FAM83H: variants seen among roughly 807,000 people sequenced by gnomAD.
FAM83H encodes the protein scaffolding CK1 anchoring protein H.
Under a neutral mutation model 30.2 loss-of-function variants are expected in FAM83H, and 24 were observed. The observed-to-expected ratio is 0.79, with a 90% CI of 0.57 to 1.12. The LOEUF is 1.12. FAM83H is among the 50% of genes most tolerant of loss of function. The pLI is 0.00. For synonymous variants in FAM83H, 1,013 were observed against 821.7 expected, an observed-to-expected ratio of 1.23 and a Z score of -3.98; for missense variants, 2,038 against 1,773.9, an observed-to-expected ratio of 1.15 and a Z score of -2.67.
In FAM83H at chr8:143,732,499, G is replaced by A. The variant is rs1268634359; in HGVS notation, c.-16+1192C>T. The A allele has an allele frequency of 5.1e-6, 5 of 985,192 alleles. No individual in the cohort carries two copies. The African/African-American group carries it at 8.7e-5, about 17-fold the overall frequency. The allele number at this position is 985,192 out of a possible 1,614,324, so 61.0% of individuals were successfully genotyped here. A position where few individuals can be genotyped will look rare whatever the true frequency, so the allele number is the denominator to read the frequency against. Reference sequence around the variant, plus strand: ...TTGTTTGAGGGTACTTCCCGACACTGGGGGGACACTCTAGAAAGGACCCCC... The same window carrying A: ...TTGTTTGAGGGTACTTCCCGACACTAGGGGGACACTCTAGAAAGGACCCCC... On this transcript the variant is annotated intron_variant, in intron 1 of 4. Coordinates refer to ENST00000388913, the MANE Select transcript of FAM83H (RefSeq NM_198488.5).
In FAM83H at chr8:143,725,532, G is replaced by A. The variant is rs1336339283; in HGVS notation, c.*389C>T. ...AATCGCTGGAACCCGGGAGGCAGAG[G>A]TTGCAGTGAGCCCAGACCGCTCAAC... On this transcript the variant is annotated 3_prime_UTR_variant, in exon 5 of 5. Coordinates refer to ENST00000388913, the MANE Select transcript of FAM83H (RefSeq NM_198488.5). 1.1e-5 allele frequency: 3 copies of A among 272,438 alleles called. No individual in the cohort carries two copies. Among genetic ancestry groups the A allele is most frequent in the Non-Finnish European group, 2.1e-5 (3 of 142,270 alleles). The allele number at this position is 272,438 out of a possible 1,614,324, so 16.9% of individuals were successfully genotyped here. A position where few individuals can be genotyped will look rare whatever the true frequency, so the allele number is the denominator to read the frequency against.
At chr8:143,732,488 T>C in intron 1 of FAM83H, 2 of 985,330 alleles carry the variant, frequency 2.0e-6, no homozygotes, top group South Asian at 9.4e-5. Context: ...TTGAGGGTAC[T>C]TCCCGACACT....
Position 143,728,507 on chromosome 8 carries a change from G to A in FAM83H, c.954C>T (p.Thr318=), listed in dbSNP as rs782713469. The change falls in exon 5 of 5, where the codon ACC becomes ACT. Residue 318 remains threonine (T), a synonymous_variant. Coordinates refer to ENST00000388913, the MANE Select transcript of FAM83H (RefSeq NM_198488.5). ...GCGCTCGTTTAGGGAAGGAGAAGGG[G>A]GTTGGCGCCCCGACCCCAGGGACGC... ...LVGVPGVGAP[T]PFSFPKRAHL... 1.3e-6 allele frequency: 2 copies of A among 1,557,278 alleles called. No homozygotes were observed. The highest frequency in any genetic ancestry group is 1.9e-5 in the Admixed American group (1 of 51,626).
chr8:143,726,441 C>A lies in FAM83H; in HGVS notation c.3020G>T (p.Gly1007Val), dbSNP rs781949444. The A allele has an allele frequency of 1.8e-5, 29 of 1,602,976 alleles. No individual in the cohort carries two copies. The highest frequency in any genetic ancestry group is 2.4e-5 in the Non-Finnish European group (28 of 1,177,418). The change falls in exon 5 of 5, where the codon GGT (glycine) becomes GTT (valine). Residue 1007 changes from glycine to valine, a missense_variant. Physicochemically the swap from Gly to Val is moderately radical, Grantham distance 109 (BLOSUM62 -3). Coordinates refer to ENST00000388913, the MANE Select transcript of FAM83H (RefSeq NM_198488.5). ...ESPRRLSLGQ[G>V]DSTEAATEER... Reference sequence around the variant, plus strand: ...TTCTGTGGCAGCCTCCGTGCTGTCACCCTGGCCCAGTGACAGACGCCGCGG... The same window carrying A: ...TTCTGTGGCAGCCTCCGTGCTGTCAACCTGGCCCAGTGACAGACGCCGCGG...
chr8:143,728,725 T>C lies in FAM83H; in HGVS notation c.738-2A>G. The stretch of plus-strand genomic sequence containing the variant: ...ATCTTCTCAAAGGACCACATGAAGC[T>C]GTGGGGGGGTCAGGGCCAGAGTCAA... On this transcript the variant is annotated splice_acceptor_variant, in intron 4 of 4. Transcript: ENST00000388913. LOFTEE classifies it high-confidence loss of function. 1 of 1,598,846 alleles carries C rather than the reference T, an allele frequency of 6.3e-7. No homozygotes were observed. Among genetic ancestry groups the C allele is most frequent in the Non-Finnish European group, 8.5e-7 (1 of 1,179,804 alleles).
Position 143,730,364 on chromosome 8 carries a change from A to C in FAM83H, c.219T>G (p.Tyr73Ter). Residue 73 changes from tyrosine (Y) to a stop codon, truncating the protein, a stop_gained, in exon 2 of 5, where the codon TAT becomes TAG. Transcript: ENST00000388913. LOFTEE classifies it high-confidence loss of function. Reference sequence around the variant, plus strand: ...TGCCTTCAGGTGGCTCTCGGGTAACATACTGCGGAGGCCGAAGGTGTCGGC... The same window carrying C: ...TGCCTTCAGGTGGCTCTCGGGTAACCTACTGCGGAGGCCGAAGGTGTCGGC... Reference protein sequence around the residue: ...HVSRHLRPPQYVTREPPEGSL... With the variant: ...HVSRHLRPPQ 1 of 1,613,702 alleles carries C rather than the reference A, an allele frequency of 6.2e-7. No homozygotes were observed.
intron 1 of FAM83H, chr8:143,732,968 G>A (rs1357363615): frequency 2.6e-5 from 4 of 154,622 alleles, no homozygotes; most frequent in Non-Finnish European, 5.8e-5. Flanking sequence ...CTGAGTATCT[G>A]GAAGGAGGAC....
rs113878062 is a variant in FAM83H at position 143,731,898 on chromosome 8, G to A, written c.-15-1301C>T. 6.7e-4 allele frequency: 658 copies of A among 985,292 alleles called. 4 individuals are homozygous for A. In the African/African-American group the frequency reaches 0.01, roughly 15 times the overall value. 61.0% of individuals were successfully genotyped at this position (985,292 alleles called of 1,614,324 possible). On this transcript the variant is annotated intron_variant, in intron 1 of 4. Transcript: ENST00000388913. ...AGCGCCCAGGGCCCACGCACACAGG[G>A]TCACTGAGCTACCTGGGTACCTCTC...
intron 1 of FAM83H, chr8:143,731,832 C>T (rs1327240525): frequency 1.0e-6 from 1 of 985,332 alleles, no homozygotes; most frequent in Non-Finnish European, 1.2e-6. Context: ...CCAAAGGGTC[C>T]CTGCGGGGGC....
In FAM83H at chr8:143,730,301, T is replaced by C. The variant is rs782034968; in HGVS notation, c.282A>G (p.Thr94=). The change falls in exon 2 of 5, where the codon ACA becomes ACG. Residue 94 remains threonine (T), a synonymous_variant. Coordinates refer to ENST00000388913, the MANE Select transcript of FAM83H (RefSeq NM_198488.5). ...CCTGGTCTGAGTTCACTGGCCAGTA[T>C]GTACCCGAGGAGCCATCCATGTCCA... is the stretch of plus-strand genomic sequence containing the variant. ...LDVDMDGSSG[T]YWPVNSDQAV... 13 of 1,613,448 alleles carry C rather than the reference T, an allele frequency of 8.1e-6. No homozygotes were observed. The highest frequency in any genetic ancestry group is 1.1e-5 in the South Asian group (1 of 91,094).
chr8:143,732,768 C>T, intron 1 of FAM83H: 1 of 981,532 alleles, frequency 1.0e-6, no homozygotes, highest in Non-Finnish European at 1.2e-6. Flanking sequence ...ACCCCAGTGG[C>T]CTGCATGCCC....
chr8:143,727,008 T>A lies in FAM83H; in HGVS notation c.2453A>T (p.Gln818Leu), dbSNP rs1563758053. 2 of 1,578,108 alleles carry A rather than the reference T, an allele frequency of 1.3e-6. No homozygotes were observed. Among genetic ancestry groups the A allele is most frequent in the Non-Finnish European group, 1.7e-6 (2 of 1,164,930 alleles). Reference sequence around the variant, plus strand: ...GCTCCGGCCCAGTGTGTCGAGCAGCTGCGCCGCGGTGAGCGACGCGGCTCC... The same window carrying A: ...GCTCCGGCCCAGTGTGTCGAGCAGCAGCGCCGCGGTGAGCGACGCGGCTCC... ...QPGAASLTAA[Q>L]LLDTLGRSGS... Residue 818 changes from glutamine (Q) to leucine (L), a missense_variant, in exon 5 of 5, where the codon CAG becomes CTG. Coordinates refer to ENST00000388913, the MANE Select transcript of FAM83H (RefSeq NM_198488.5).
In FAM83H at chr8:143,733,575, G is replaced by A. The variant is rs1554625056; in HGVS notation, c.-16+116C>T. On this transcript the variant is annotated intron_variant, in intron 1 of 4. Transcript: ENST00000388913. The surrounding 1 kb of genome is among the most constrained non-coding windows in gnomAD (Gnocchi z 5.6). Reference sequence around the variant, plus strand: ...CTCCACTCCCACCGCCCCTCTCTGGGTCGCGCGGCCCCGGCCCAGGTGTGG... The same window carrying A: ...CTCCACTCCCACCGCCCCTCTCTGGATCGCGCGGCCCCGGCCCAGGTGTGG... The A allele has an allele frequency of 6.6e-6, 1 of 151,198 alleles. No homozygotes were observed. Among genetic ancestry groups the A allele is most frequent in the Non-Finnish European group, 1.5e-5 (1 of 67,746 alleles). 9.4% of individuals were successfully genotyped at this position (151,198 alleles called of 1,614,324 possible).
At position 143,725,802 on chromosome 8, in the gene FAM83H, CG is replaced by C; in HGVS notation, c.*118del. ...CTGGCGCACTCAGCCAAGCCCCAAG[CG>C]GCCGTGGCCTGACAGCCGCTGCTCA... On this transcript the variant is annotated 3_prime_UTR_variant, in exon 5 of 5. Coordinates refer to ENST00000388913, the MANE Select transcript of FAM83H (RefSeq NM_198488.5). 1 of 1,514,906 alleles carries C rather than the reference CG, an allele frequency of 6.6e-7. No individual in the cohort carries two copies. The highest frequency in any genetic ancestry group is 8.9e-7 in the Non-Finnish European group (1 of 1,123,768). 93.8% of individuals were successfully genotyped at this position (1,514,906 alleles called of 1,614,324 possible).
rs782609652 is a variant in FAM83H, at chr8:143,728,142, T to C, written c.1319A>G (p.Asp440Gly). ...SRQTFLSHGDDFRFQTSHFHR... is the reference protein window; with the variant it reads ...SRQTFLSHGDGFRFQTSHFHR... ...GAAGTGGCTGGTCTGGAAGCGGAAG[T>C]CGTCGCCGTGGCTGAGGAACGTCTG... The change falls in exon 5 of 5, where the codon GAC (aspartate) becomes GGC (glycine). Residue 440 changes from aspartate to glycine, a missense_variant. Physicochemically the swap from Asp to Gly is moderately conservative, Grantham distance 94 (BLOSUM62 -1). Transcript: ENST00000388913. 6.2e-7 allele frequency: 1 copy of C among 1,609,400 alleles called. No homozygotes were observed. The highest frequency in any genetic ancestry group is 8.5e-7 in the Non-Finnish European group (1 of 1,179,182).
chr8:143,726,892 A>C lies in FAM83H; in HGVS notation c.2569T>G (p.Ser857Ala). ...GLDSPLPLEGSGAHQVLHNES... is the reference protein window; with the variant it reads ...GLDSPLPLEGAGAHQVLHNES... ...TTATGGAGCACCTGGTGCGCTCCGG[A>C]CCCTTCCAGCGGCAGAGGGCTGTCC... The change falls in exon 5 of 5, where the codon TCC becomes GCC. Residue 857 changes from serine to alanine, a missense_variant. Coordinates refer to ENST00000388913, the MANE Select transcript of FAM83H (RefSeq NM_198488.5). The C allele has an allele frequency of 6.2e-7, 1 of 1,612,546 alleles. No homozygotes were observed. The highest frequency in any genetic ancestry group is 8.5e-7 in the Non-Finnish European group (1 of 1,179,824).
chr8:143,731,455 C>T (rs781818393), intron 1 of FAM83H: 27 of 985,320 alleles, frequency 2.7e-5, no homozygotes, highest in Non-Finnish European at 2.9e-5. Context: ...CACATAGTCC[C>T]GGGCCACACC....
At position 143,725,241 on chromosome 8, in the gene FAM83H, TGAG is replaced by T. The variant is rs1185596787; in HGVS notation, c.*677_*679del. The T allele has an allele frequency of 3.6e-5, 5 of 138,440 alleles. No homozygotes were observed. Among genetic ancestry groups the T allele is most frequent in the African/African-American group, 8.4e-5 (3 of 35,734 alleles). The allele number at this position is 138,440 out of a possible 1,614,324, so 8.6% of individuals were successfully genotyped here. Reference sequence around the variant, plus strand: ...GGGAGGCCCTGAGAACAGGAGGCCCTGAGGAGGAGAAGGGCCCAGAGAATGAGG... The same window carrying T: ...GGGAGGCCCTGAGAACAGGAGGCCCTGAGGAGAAGGGCCCAGAGAATGAGG... On this transcript the variant is annotated 3_prime_UTR_variant, in exon 5 of 5. Transcript: ENST00000388913.
rs1256311665 is a variant in FAM83H, at chr8:143,730,384, G to A, written c.199C>T (p.His67Tyr). The A allele has an allele frequency of 6.2e-7, 1 of 1,613,466 alleles. No individual in the cohort carries two copies. The highest frequency in any genetic ancestry group is 8.5e-7 in the Non-Finnish European group (1 of 1,180,030). Residue 67 changes from histidine (H) to tyrosine (Y), a missense_variant, in exon 2 of 5, where the codon CAC (histidine) becomes TAC (tyrosine). By Grantham distance (83) the His-to-Tyr change is moderately conservative. Coordinates refer to ENST00000388913, the MANE Select transcript of FAM83H (RefSeq NM_198488.5). ...GTAACATACTGCGGAGGCCGAAGGT[G>A]TCGGCTCACATGTTCCAGCTCTTCA... The part of the protein sequence containing the change: ...CPEELEHVSR[H>Y]LRPPQYVTRE...
Sources: allele counts gnomAD v4.1 joint callset, GRCh38; gene constraint gnomAD v4.1.1; non-coding constraint Gnocchi (gnomAD v3.1); transcripts MANE v1.5; gene names NCBI Gene and HGNC (gene_info 2026-07-23, HGNC 2026-07-21).